TEAD4: variants seen among roughly 807,000 people sequenced by gnomAD.
TEAD4 encodes the protein transcriptional enhancer factor TEF-3.
Under a neutral mutation model 52.4 loss-of-function variants are expected in TEAD4, and 36 were observed. The ratio of observed to expected loss-of-function variants is 0.69; its 90% CI spans 0.53 to 0.91. The LOEUF (loss-of-function observed/expected upper bound fraction) is 0.91, where lower values mean the gene tolerates loss of function less well. TEAD4 is among the 40% of genes least tolerant of loss of function. TEAD4 has a pLI of 0.00. For missense variants in TEAD4, 508 were observed against 583.9 expected, an observed-to-expected ratio of 0.87 and a Z score of 1.34; for synonymous variants, 220 against 231.0, an observed-to-expected ratio of 0.95 and a Z score of 0.43.
rs1365177021 is a variant in TEAD4, at chr12:3,040,428, G to C, written c.1255G>C (p.Ala419Pro). The change falls in exon 13 of 13, where the codon GCC becomes CCC. Residue 419 changes from alanine to proline, a missense_variant. Transcript: ENST00000359864. ...CATTGCCTATGTCTTTGAGGTGTCA[G>C]CCAGTGAGCACGGGGCTCAGCACCA... The C allele has an allele frequency of 1.2e-6, 2 of 1,614,186 alleles. No individual in the cohort carries two copies. The highest frequency in any genetic ancestry group is 3.3e-5 in the Admixed American group (2 of 60,018).
chr12:2,964,560 C>A (rs192398638), intron 2 of TEAD4, among the ~76,000 whole-genome samples: 2 of 151,006 alleles, frequency 1.3e-5, no homozygotes, highest in Non-Finnish European at 2.9e-5. Flanking sequence ...TGGATTCAAG[C>A]GATTCTCCTG....
chr12:3,035,156 A>G (rs1237655514), intron 10 of TEAD4, among the ~76,000 whole-genome samples: 2 of 152,254 alleles, frequency 1.3e-5, no homozygotes, highest in Non-Finnish European at 2.9e-5. Flanking sequence ...ATTAGAAAGA[A>G]TAGAATCCTT....
At chr12:3,016,236 C>T (rs998101324) in intron 5 of TEAD4, among the ~76,000 whole-genome samples, 3 of 152,146 alleles carry the variant, frequency 2.0e-5, no homozygotes, top group Admixed American at 6.6e-5. Context: ...CCAAGTTGCC[C>T]AGGCTGGCCT....
At chr12:2,962,952 A>G (rs1232031391) in intron 2 of TEAD4, among the ~76,000 whole-genome samples, 1 of 152,108 alleles carries the variant, frequency 6.6e-6, no homozygotes, top group Non-Finnish European at 1.5e-5. Context: ...CCTTCATCCA[A>G]CAGGCGCGGA....
At chr12:2,976,511 C>T (rs113290059) in intron 2 of TEAD4, among the ~76,000 whole-genome samples, 17,221 of 152,206 alleles carry the variant, frequency 0.11, 1,107 homozygotes, top group African/African-American at 0.16. Context: ...CTGGGCCGGG[C>T]GCTGTTCTGG....
chr12:2,962,148 G>A lies in TEAD4; in HGVS notation c.-30+2108G>A, dbSNP rs565765654. 4.8e-4 allele frequency among the ~76,000 whole-genome samples: 72 copies of A among 148,822 alleles called. No homozygotes were observed. The Middle Eastern group carries it at 0.014, about 29-fold the overall frequency. Reference sequence around the variant, plus strand: ...ATTTTATTTTATTTATTTTTGAGACGGAGTCTCGCTCTGTCGCCTAGGCAG... The same window carrying A: ...ATTTTATTTTATTTATTTTTGAGACAGAGTCTCGCTCTGTCGCCTAGGCAG... On this transcript the variant is annotated intron_variant, in intron 2 of 12. Coordinates refer to ENST00000359864, the MANE Select transcript of TEAD4 (RefSeq NM_003213.4).
intron 2 of TEAD4, among the ~76,000 whole-genome samples, chr12:2,977,447 C>A (rs11612559): frequency 2.6e-5 from 4 of 152,174 alleles, no homozygotes; most frequent in Middle Eastern, 6.8e-3. Context: ...GGGCCTCCCC[C>A]CCTCTCACCT....
chr12:2,985,922 A>C (rs2098238096), intron 2 of TEAD4, among the ~76,000 whole-genome samples: 2 of 151,548 alleles, frequency 1.3e-5, no homozygotes. Context: ...TGTCTCTACT[A>C]AAAAAATACA....
At position 2,979,413 on chromosome 12, in the gene TEAD4, A is replaced by G. The variant is rs376119824; in HGVS notation, c.-29-15325A>G. Among the ~76,000 whole-genome samples, 213 of 152,308 alleles carry G rather than the reference A, an allele frequency of 1.4e-3. 6 individuals carry two copies. In the East Asian group the frequency reaches 0.033, roughly 24 times the overall value. On this transcript the variant is annotated intron_variant, in intron 2 of 12. Transcript: ENST00000359864. Reference sequence around the variant, plus strand: ...ACTTGAGGCAGCAAAAGCACCTGCAAAAGTGCAGAAGTCACAGCACTAAAT... The same window carrying G: ...ACTTGAGGCAGCAAAAGCACCTGCAGAAGTGCAGAAGTCACAGCACTAAAT...
At chr12:2,972,451 G>A (rs941494495) in intron 2 of TEAD4, among the ~76,000 whole-genome samples, 7 of 130,450 alleles carry the variant, frequency 5.4e-5, no homozygotes, top group African/African-American at 1.7e-4. Context: ...CTTATTTTAC[G>A]TTCATTTTTT....
rs560216163 is a variant in TEAD4 at position 3,038,163 on chromosome 12, G to A, written c.1038+55G>A. On this transcript the variant is annotated intron_variant, in intron 11 of 12. Coordinates refer to ENST00000359864, the MANE Select transcript of TEAD4 (RefSeq NM_003213.4). The stretch of plus-strand genomic sequence containing the variant: ...GGTGGCAGTGGTCTGTGTTTGCTGG[G>A]CATGGCTTCCATTTGCTTTCAGGAG... 9.4e-5 allele frequency: 148 copies of A among 1,568,976 alleles called. No individual in the cohort carries two copies. The African/African-American group carries it at 1.7e-3, about 18-fold the overall frequency.
intron 5 of TEAD4, 156 bp from the exon 6 acceptor site, chr12:3,017,242 C>A: frequency 1.0e-6 from 1 of 976,680 alleles, no homozygotes; most frequent in Non-Finnish European, 1.6e-6. Flanking sequence ...TTCTCAGTTG[C>A]AAAACAAGTT....
intron 2 of TEAD4, among the ~76,000 whole-genome samples, chr12:2,992,572 G>T (rs905778645): frequency 6.6e-6 from 1 of 152,180 alleles, no homozygotes; most frequent in Non-Finnish European, 1.5e-5. Flanking sequence ...GCTCTGGGAG[G>T]TCCCACTTCA....
chr12:3,025,982 A>AT (rs2098271867), intron 10 of TEAD4, among the ~76,000 whole-genome samples: 3 of 151,630 alleles, frequency 2.0e-5, no homozygotes, highest in Non-Finnish European at 2.9e-5. Flanking sequence ...TTTCTCCCTA[A>AT]TGGCCAGTTT....
At chr12:2,986,239 A>G (rs1591566012) in intron 2 of TEAD4, among the ~76,000 whole-genome samples, 1 of 152,078 alleles carries the variant, frequency 6.6e-6, no homozygotes, top group African/African-American at 2.4e-5. Context: ...TGGAGATATC[A>G]TCTCCCAGGG....
chr12:2,974,088 G>T (rs2098227467), intron 2 of TEAD4, among the ~76,000 whole-genome samples: 1 of 152,118 alleles, frequency 6.6e-6, no homozygotes, highest in African/African-American at 2.4e-5. Context: ...GCTCACTGCA[G>T]CCTCTGTCTC....
chr12:2,967,158 A>G (rs2098221118), intron 2 of TEAD4, among the ~76,000 whole-genome samples: 1 of 152,218 alleles, frequency 6.6e-6, no homozygotes, highest in Admixed American at 6.5e-5. Flanking sequence ...TGTACATTGT[A>G]GGAACCCTGG....
chr12:2,960,357 AGCGGACTGCCTGTTTTAAGT>A (rs1316284137), intron 2 of TEAD4: 1 of 985,472 alleles, frequency 1.0e-6, no homozygotes, highest in Non-Finnish European at 1.2e-6. Flanking sequence ...CCTGGAGGTA[AGCGGACTGCCTGTTTTAAGT>A]GCAAAGGCGA....
At chr12:3,015,932 C>T (rs957267802) in intron 5 of TEAD4, among the ~76,000 whole-genome samples, 1 of 152,050 alleles carries the variant, frequency 6.6e-6, no homozygotes, top group African/African-American at 2.4e-5. Flanking sequence ...TAATCCAGCA[C>T]TGGGAGGTCG....
Sources: gnomAD v4.1 joint callset for allele counts (sites outside exome capture counted in the v4.1 genomes callset) on GRCh38, gnomAD v4.1.1 for gene constraint, MANE v1.5 for transcripts, NCBI Gene and HGNC (gene_info 2026-07-23, HGNC 2026-07-21) for gene names.